ITSN2: variants seen among roughly 807,000 people sequenced by gnomAD.
ITSN2 encodes the protein intersectin 2, also known as intersectin-2.
ITSN2 carries 156 observed loss-of-function variants against 243.7 expected under a neutral mutation model. The ratio of observed to expected loss-of-function variants is 0.64; its 90% CI spans 0.56 to 0.73. The LOEUF is 0.73. Ranked by LOEUF, ITSN2 falls within the 30% of genes least tolerant of loss-of-function variation. The pLI is 0.00. For missense variants in ITSN2, 1,801 were observed against 1,996.1 expected (o/e 0.90, Z 1.86); for synonymous variants, 703 against 699.9 (o/e 1.00, Z -0.07).
chr2:24,214,348 A>T (rs1669770251), intron 32 of ITSN2: 1 of 152,224 alleles, frequency 6.6e-6, no homozygotes, highest in African/African-American at 2.4e-5. Flanking sequence ...AGTTTGTATA[A>T]TATAGAATAA....
At position 24,202,878 on chromosome 2, in the gene ITSN2, A is replaced by G. The variant is rs1668481519; in HGVS notation, c.*748T>C. ...CTTTGACGAAGTTCCATCCATAAACATATGTCTTTATTCTCTTTCTGTACA... is the reference window on the plus strand; with the variant it reads ...CTTTGACGAAGTTCCATCCATAAACGTATGTCTTTATTCTCTTTCTGTACA... On this transcript the variant is annotated 3_prime_UTR_variant, in exon 40 of 40. Coordinates refer to ENST00000355123, the MANE Select transcript of ITSN2 (RefSeq NM_006277.3). 1 of 152,676 alleles carries G rather than the reference A, an allele frequency of 6.5e-6. No homozygotes were observed. The highest frequency in any genetic ancestry group is 6.5e-5 in the Admixed American group (1 of 15,286). The allele number at this position is 152,676 out of a possible 1,614,324, so 9.5% of individuals were successfully genotyped here.
intron 1 of ITSN2, among the ~76,000 whole-genome samples, chr2:24,351,860 T>G (rs1048920711): frequency 2.0e-5 from 3 of 151,994 alleles, no homozygotes; most frequent in African/African-American, 7.3e-5. Context: ...AGTGCAAGAG[T>G]AGTGAGGCTG....
At chr2:24,350,003 G>T (rs1408365995) in intron 1 of ITSN2, among the ~76,000 whole-genome samples, 1 of 152,178 alleles carries the variant, frequency 6.6e-6, no homozygotes, top group African/African-American at 2.4e-5. Context: ...ATAGCTGACA[G>T]ATTTCTTAGA....
chr2:24,207,084 T>G (rs1375408351), intron 37 of ITSN2, among the ~76,000 whole-genome samples: 1 of 151,658 alleles, frequency 6.6e-6, no homozygotes, highest in African/African-American at 2.4e-5. Context: ...GCCCTGAGTG[T>G]GGGGTAAGAA....
Position 24,251,309 on chromosome 2 carries a change from C to CAAAAAAAAAAAAAAAAAAAAAAAA in ITSN2, c.3120+1035_3120+1036insTTTTTTTTTTTTTTTTTTTTTTTT. 9.1e-5 allele frequency among the ~76,000 whole-genome samples: 2 copies of CAAAAAAAAAAAAAAAAAAAAAAAA among 22,012 alleles called. 1 individual carries two copies. The highest frequency in any genetic ancestry group is 3.2e-3 in the South Asian group (2 of 624). 14.4% of individuals were successfully genotyped at this position (22,012 alleles called of 152,430 possible). A position where few individuals can be genotyped will look rare whatever the true frequency, so the allele number is the denominator to read the frequency against. On this transcript the variant is annotated intron_variant, in intron 25 of 39. Transcript: ENST00000355123. ...TGGGCAACAGAACTAAACTCCATCT[C>CAAAAAAAAAAAAAAAAAAAAAAAA]AAAAAAAAAAAAAAATAAAATATAT...
chr2:24,321,140 T>C (rs1313554432), intron 2 of ITSN2, among the ~76,000 whole-genome samples: 5 of 152,216 alleles, frequency 3.3e-5, no homozygotes, highest in African/African-American at 1.2e-4. Flanking sequence ...TCTCTGAGGA[T>C]GTCTGCATTG....
intron 17 of ITSN2, among the ~76,000 whole-genome samples, chr2:24,284,382 A>C (rs1255457799): frequency 6.6e-6 from 1 of 152,164 alleles, no homozygotes; most frequent in Non-Finnish European, 1.5e-5. Context: ...TAAAGTATTA[A>C]GTTTTATTTT....
At chr2:24,357,058 G>A (rs1688512642) in intron 1 of ITSN2, among the ~76,000 whole-genome samples, 1 of 152,224 alleles carries the variant, frequency 6.6e-6, no homozygotes, top group East Asian at 1.9e-4. Flanking sequence ...CATAGTGGAA[G>A]ATAGTATGGC....
intron 29 of ITSN2, among the ~76,000 whole-genome samples, chr2:24,228,407 G>C (rs1303906836): frequency 6.6e-6 from 1 of 152,162 alleles, no homozygotes; most frequent in African/African-American, 2.4e-5. Context: ...GAGAAATGGT[G>C]AGCCAAAATA....
chr2:24,340,391 G>A (rs1447612509), intron 1 of ITSN2, among the ~76,000 whole-genome samples: 4 of 151,708 alleles, frequency 2.6e-5, no homozygotes, highest in African/African-American at 9.7e-5. Flanking sequence ...TGAGGCAGGA[G>A]AATCGCTTGA....
At position 24,312,228 on chromosome 2, in the gene ITSN2, T is replaced by C. The variant is rs779493029; in HGVS notation, c.336A>G (p.Leu112=). The C allele has an allele frequency of 6.2e-7, 1 of 1,608,306 alleles. No individual in the cohort carries two copies. Among genetic ancestry groups the C allele is most frequent in the Non-Finnish European group, 8.5e-7 (1 of 1,176,954 alleles). ...CATACTTACCAAAACGAGCAGAAAT[T>C]AATGGAGAAAACATAGGGGGTTGCT... ...IMKQPPMFSP[L]ISARFGMGSM... The change falls in exon 5 of 40, where the codon TTA becomes TTG. Residue 112 remains leucine, a synonymous_variant. Coordinates refer to ENST00000355123, the MANE Select transcript of ITSN2 (RefSeq NM_006277.3).
At chr2:24,235,711 A>G (rs942645812) in intron 29 of ITSN2, among the ~76,000 whole-genome samples, 1 of 152,366 alleles carries the variant, frequency 6.6e-6, no homozygotes, top group African/African-American at 2.4e-5. Flanking sequence ...GGATCTGAAT[A>G]GACATATCTC....
At chr2:24,259,796 A>T (rs1258797932) in intron 22 of ITSN2, among the ~76,000 whole-genome samples, 2 of 152,114 alleles carry the variant, frequency 1.3e-5, no homozygotes, top group Admixed American at 6.6e-5. Context: ...GAGTAAGATG[A>T]TCTCTTCTAT....
chr2:24,209,855 C>G lies in ITSN2; in HGVS notation c.4436G>C (p.Ser1479Thr), dbSNP rs1335968022. 6.2e-7 allele frequency: 1 copy of G among 1,614,164 alleles called. No individual in the cohort carries two copies. Among genetic ancestry groups the G allele is most frequent in the Non-Finnish European group, 8.5e-7 (1 of 1,180,014 alleles). Residue 1479 changes from serine (S) to threonine (T), a missense_variant, in exon 35 of 40, where the codon AGC becomes ACC. Around this residue, in one of 5 missense-constraint regions of ITSN2, gnomAD observed 928 missense variants for 1,065.4 expected, o/e 0.87. Coordinates refer to ENST00000355123, the MANE Select transcript of ITSN2 (RefSeq NM_006277.3). Reference protein sequence around the residue: ...AVSSGSEKLFSSKSNAQFKMY... With the variant: ...AVSSGSEKLFTSKSNAQFKMY... ...TTTGAATTGAGCATTGGACTTCGAG[C>G]TGAAAAGTTTCTCAGAGCCAGAGGA...
intron 1 of ITSN2, among the ~76,000 whole-genome samples, chr2:24,353,545 G>A (rs112679361): frequency 0.18 from 27,316 of 152,086 alleles, 3,104 homozygotes; most frequent in Non-Finnish European, 0.26. Context: ...CTGAGATCCC[G>A]CCACTGCACT....
chr2:24,237,678 C>T (rs1206006875), intron 29 of ITSN2, among the ~76,000 whole-genome samples: 1 of 152,162 alleles, frequency 6.6e-6, no homozygotes, highest in Non-Finnish European at 1.5e-5. Flanking sequence ...AAATAACTGA[C>T]TTTTCCACCG....
Position 24,203,642 on chromosome 2 carries a change from T to A in ITSN2, c.5078A>T (p.Gln1693Leu). 6.2e-7 allele frequency: 1 copy of A among 1,614,034 alleles called. No individual in the cohort carries two copies. Among genetic ancestry groups the A allele is most frequent in the Non-Finnish European group, 8.5e-7 (1 of 1,179,948 alleles). ...TTAGAACCCCTACAGGAGAGTTTTT[T>A]GCTCAAAAAGCTGCAGGTCAAAACG... Reference protein sequence around the residue: ...WVRFDLQLFEQKTLL With the variant: ...WVRFDLQLFELKTLL The change falls in exon 40 of 40, where the codon CAA becomes CTA. Residue 1693 changes from glutamine to leucine, a missense_variant. By Grantham distance (113) the Gln-to-Leu change is moderately radical (BLOSUM62 -2). Around this residue, in one of 5 missense-constraint regions of ITSN2, gnomAD observed 928 missense variants for 1,065.4 expected, o/e 0.87. Coordinates refer to ENST00000355123, the MANE Select transcript of ITSN2 (RefSeq NM_006277.3).
chr2:24,264,949 C>T (rs1676481672), intron 20 of ITSN2, among the ~76,000 whole-genome samples: 1 of 151,994 alleles, frequency 6.6e-6, no homozygotes, highest in Non-Finnish European at 1.5e-5. Flanking sequence ...AAAACAAAGC[C>T]TGCTGAGATT....
Position 24,256,787 on chromosome 2 carries a change from A to G in ITSN2, c.2888+1101T>C, listed in dbSNP as rs1003714617. 3.3e-5 allele frequency among the ~76,000 whole-genome samples: 5 copies of G among 152,214 alleles called. 1 individual carries two copies. Among genetic ancestry groups the G allele is most frequent in the African/African-American group, 1.2e-4 (5 of 41,452 alleles). ...AAAGACATGCATCCCAGCCTCATTGAGCTTATGATCTAATAAGGGACATTG... is the reference window on the plus strand; with the variant it reads ...AAAGACATGCATCCCAGCCTCATTGGGCTTATGATCTAATAAGGGACATTG... On this transcript the variant is annotated intron_variant, in intron 23 of 39. Transcript: ENST00000355123.
Sources: gnomAD v4.1 joint callset for allele counts (sites outside exome capture counted in the v4.1 genomes callset) on GRCh38, gnomAD v4.1.1 for gene constraint, gnomAD v4.1.1 regional missense constraint, MANE v1.5 for transcripts, NCBI Gene and HGNC (gene_info 2026-07-23, HGNC 2026-07-21) for gene names.